Variants in MRTFA observed in about 807,000 individuals in gnomAD.
The protein encoded by MRTFA is myocardin-related transcription factor A.
MRTFA carries 20 observed loss-of-function variants against 83.5 expected under a neutral mutation model. The ratio of observed to expected loss-of-function variants is 0.24; its 90% confidence interval spans 0.17 to 0.35. The LOEUF (loss-of-function observed/expected upper bound fraction) is 0.35. Among genes scored for constraint, MRTFA ranks in the 10% least tolerant of loss-of-function variants. MRTFA has a pLI of 1.00. For missense variants in MRTFA, 1,200 were observed against 1,224.7 expected (o/e 0.98, Z 0.30); for synonymous variants, 659 against 541.2 (o/e 1.22, Z -3.02).
At chr22:40,523,395 C>G (rs2054904767) in intron 3 of MRTFA, 1 of 152,142 alleles carries the variant, frequency 6.6e-6, no homozygotes, top group African/African-American at 2.4e-5. Flanking sequence ...GCTGGAATAC[C>G]GTGGTGCAAA....
intron 3 of MRTFA, chr22:40,523,001 C>G (rs909562627): frequency 6.6e-6 from 1 of 152,078 alleles, no homozygotes; most frequent in Non-Finnish European, 1.5e-5. Flanking sequence ...CTTAGCCCCC[C>G]GTCTGTTCAC....
In MRTFA at chr22:40,423,569, GA is replaced by G; in HGVS notation, c.893del (p.Ile298ThrfsTer32). On this transcript the variant is annotated frameshift_variant, in exon 9 of 15. Coordinates refer to ENST00000355630, the MANE Select transcript of MRTFA (RefSeq NM_020831.6). LOFTEE classifies it high-confidence loss of function. ...GTGTGGGGGTGGACTTGGCAGTGGG[GA>G]TAGTGGTTCCATTGGTGAGGCTGGG... is the stretch of plus-strand genomic sequence containing the variant. The G allele has an allele frequency of 6.3e-7, 1 of 1,588,292 alleles. No homozygotes were observed. Among genetic ancestry groups the G allele is most frequent in the Non-Finnish European group, 8.6e-7 (1 of 1,165,956 alleles).
intron 1 of MRTFA, among the ~76,000 whole-genome samples, chr22:40,634,749 G>A (rs1018058340): frequency 6.6e-6 from 1 of 152,166 alleles, no homozygotes. Flanking sequence ...AATTACTAAC[G>A]GGTGACCCAA....
At chr22:40,598,882 T>C (rs1220691434) in intron 1 of MRTFA, among the ~76,000 whole-genome samples, 2 of 151,264 alleles carry the variant, frequency 1.3e-5, no homozygotes, top group East Asian at 1.9e-4. Context: ...TCCCAGCTAC[T>C]TGGGAGGCTG....
intron 3 of MRTFA, among the ~76,000 whole-genome samples, chr22:40,470,263 A>ATATATATATATT (rs2053882851): frequency 2.6e-5 from 3 of 117,334 alleles, no homozygotes; most frequent in Admixed American, 8.9e-5. Flanking sequence ...ATATATATAT[A>ATATATATATATT]TATATATATA....
Position 40,513,979 on chromosome 22 carries a change from C to T in MRTFA, c.241+38127G>A, listed in dbSNP as rs2054713157. Among the ~76,000 whole-genome samples the T allele has an allele frequency of 2.6e-5, 4 of 151,316 alleles. 1 individual carries two copies. In the South Asian group the frequency reaches 6.2e-4, roughly 24 times the overall value. On this transcript the variant is annotated intron_variant, in intron 3 of 14. Coordinates refer to ENST00000355630, the MANE Select transcript of MRTFA (RefSeq NM_020831.6). ...TTTTAAGTTAAAAAGAGGCCGGGCA[C>T]GGTGGCTCACACCTGTAATCCCAAC...
At chr22:40,542,404 C>T (rs2055306063) in intron 3 of MRTFA, among the ~76,000 whole-genome samples, 1 of 152,110 alleles carries the variant, frequency 6.6e-6, no homozygotes, top group South Asian at 2.1e-4. Flanking sequence ...AAGTTTGTAA[C>T]CATGAATTAG....
In MRTFA at chr22:40,477,369, T is replaced by A. The variant is rs552525517; in HGVS notation, c.242-14083A>T. Among the ~76,000 whole-genome samples the A allele has an allele frequency of 1.1e-4, 17 of 150,154 alleles. 1 individual carries two copies. In the South Asian group the frequency reaches 3.4e-3, roughly 30 times the overall value. ...GGTCTCAAAATAAAAATAATAATAATAAAAAAAAGAAATGACCTCTAAGGG... is the reference window on the plus strand; with the variant it reads ...GGTCTCAAAATAAAAATAATAATAAAAAAAAAAAGAAATGACCTCTAAGGG... On this transcript the variant is annotated intron_variant, in intron 3 of 14. Coordinates refer to ENST00000355630, the MANE Select transcript of MRTFA (RefSeq NM_020831.6).
intron 3 of MRTFA, chr22:40,533,814 G>C (rs942795016): frequency 5.0e-6 from 2 of 397,308 alleles, no homozygotes; most frequent in African/African-American, 4.1e-5. Flanking sequence ...GGCGAGTCAA[G>C]ATGACACAGA....
At chr22:40,520,743 T>C (rs1395147871) in intron 3 of MRTFA, among the ~76,000 whole-genome samples, 1 of 152,208 alleles carries the variant, frequency 6.6e-6, no homozygotes, top group Non-Finnish European at 1.5e-5. Flanking sequence ...TCAACAGTGA[T>C]TTCTTTTTAT....
intron 3 of MRTFA, among the ~76,000 whole-genome samples, chr22:40,551,431 C>T (rs1258756827): frequency 6.6e-6 from 1 of 152,180 alleles, no homozygotes; most frequent in Non-Finnish European, 1.5e-5. Context: ...AGCTGTGGCA[C>T]AATCTCGGTT....
intron 1 of MRTFA, among the ~76,000 whole-genome samples, chr22:40,617,464 C>T (rs1408894940): frequency 2.0e-5 from 3 of 151,836 alleles, no homozygotes; most frequent in Non-Finnish European, 2.9e-5. Flanking sequence ...CGGTGGCTCA[C>T]GCCTGTAATG....
intron 3 of MRTFA, among the ~76,000 whole-genome samples, chr22:40,508,114 C>T (rs1185928734): frequency 2.0e-5 from 3 of 151,392 alleles, no homozygotes; most frequent in Non-Finnish European, 4.4e-5. Context: ...CAATTGAAGA[C>T]AATTAGATTC....
chr22:40,533,936 G>C, intron 3 of MRTFA: 1 of 287,406 alleles, frequency 3.5e-6, no homozygotes, highest in Non-Finnish European at 6.5e-6. Flanking sequence ...GGGGAGGGGA[G>C]AGACATATAT....
intron 3 of MRTFA, among the ~76,000 whole-genome samples, chr22:40,505,243 C>T (rs1394323108): frequency 6.6e-6 from 1 of 152,204 alleles, no homozygotes; most frequent in East Asian, 1.9e-4. Flanking sequence ...AACATCTAGA[C>T]TGTAGGGATC....
chr22:40,513,966 A>G (rs2054712738), intron 3 of MRTFA, among the ~76,000 whole-genome samples: 1 of 151,446 alleles, frequency 6.6e-6, no homozygotes. Context: ...TTAAGTTAAA[A>G]AGAGGCCGGG....
At chr22:40,555,111 T>C (rs2055501099) in intron 2 of MRTFA, among the ~76,000 whole-genome samples, 1 of 152,210 alleles carries the variant, frequency 6.6e-6, no homozygotes, top group Non-Finnish European at 1.5e-5. Flanking sequence ...GGCTCATAGG[T>C]GGAAGGAACT....
At chr22:40,614,539 G>A (rs1409901129) in intron 1 of MRTFA, among the ~76,000 whole-genome samples, 1 of 152,112 alleles carries the variant, frequency 6.6e-6, no homozygotes, top group African/African-American at 2.4e-5. Context: ...CCAGACTGGA[G>A]TGCAATGGCG....
chr22:40,474,353 T>C (rs1248238583), intron 3 of MRTFA, among the ~76,000 whole-genome samples: 1 of 152,230 alleles, frequency 6.6e-6, no homozygotes, highest in Non-Finnish European at 1.5e-5. Context: ...TGTTATATGA[T>C]AATAAACTTT....
Sources: gnomAD v4.1 joint callset for allele counts (sites outside exome capture counted in the v4.1 genomes callset) on GRCh38, gnomAD v4.1.1 for gene constraint, MANE v1.5 for transcripts, NCBI Gene and HGNC (gene_info 2026-07-23, HGNC 2026-07-21) for gene names.